ADAMTSL1: variants seen among roughly 807,000 people sequenced by gnomAD.
ADAMTSL1 encodes the protein ADAMTS-like protein 1.
In ADAMTSL1, 126 loss-of-function variants were observed where a neutral mutation model predicts 201.8. The ratio of observed to expected loss-of-function variants is 0.62; its 90% CI spans 0.54 to 0.72. The LOEUF is 0.72. ADAMTSL1 is among the 30% of genes least tolerant of loss of function. ADAMTSL1 has a pLI of 0.00. For synonymous variants in ADAMTSL1, 1,121 were observed against 903.4 expected, an observed-to-expected ratio of 1.24 and a Z score of -4.32; for missense variants, 2,679 against 2,277.8, an observed-to-expected ratio of 1.18 and a Z score of -3.59.
At chr9:18,685,795 G>C (rs1163569847) in intron 13 of ADAMTSL1, among the ~76,000 whole-genome samples, 2 of 152,176 alleles carry the variant, frequency 1.3e-5, no homozygotes, top group South Asian at 2.1e-4. Flanking sequence ...CTGTGTTCCT[G>C]AGTGCACAAG....
At chr9:18,830,020 G>T (rs964738965) in intron 23 of ADAMTSL1, 43 bp downstream of exon 23, 29 of 1,567,100 alleles carry the variant, frequency 1.9e-5, no homozygotes, top group Non-Finnish European at 2.4e-5. Context: ...AGCCAGGACT[G>T]GACAGGATTT....
At chr9:18,163,264 AG>A (rs1163110614) in intron 1 of ADAMTSL1, among the ~76,000 whole-genome samples, 1 of 152,028 alleles carries the variant, frequency 6.6e-6, no homozygotes, top group African/African-American at 2.4e-5. Flanking sequence ...GGCTGATAAC[AG>A]ACACCTCTTG....
At chr9:18,870,357 G>A (rs1827813710) in intron 23 of ADAMTSL1, among the ~76,000 whole-genome samples, 1 of 152,302 alleles carries the variant, frequency 6.6e-6, no homozygotes, top group Admixed American at 6.5e-5. Context: ...TTCCTCTGAA[G>A]AACATTTATT....
At chr9:18,700,534 C>G (rs542569976) in intron 13 of ADAMTSL1, among the ~76,000 whole-genome samples, 2 of 152,244 alleles carry the variant, frequency 1.3e-5, no homozygotes, top group East Asian at 1.9e-4. Context: ...GTTAACTGCA[C>G]TTTATCCTAA....
At chr9:18,282,578 G>T (rs1832830810) in intron 2 of ADAMTSL1, among the ~76,000 whole-genome samples, 2 of 152,144 alleles carry the variant, frequency 1.3e-5, no homozygotes, top group Admixed American at 6.5e-5. Context: ...TATGGTCTGT[G>T]CTGGTGAATA....
intron 2 of ADAMTSL1, among the ~76,000 whole-genome samples, chr9:18,532,669 A>T (rs553672771): frequency 6.6e-6 from 1 of 152,080 alleles, no homozygotes; most frequent in East Asian, 1.9e-4. Flanking sequence ...ATAAATCAAA[A>T]TAATAGTGAT....
At chr9:18,023,247 G>A (rs1266946612) in intron 1 of ADAMTSL1, among the ~76,000 whole-genome samples, 1 of 152,026 alleles carries the variant, frequency 6.6e-6, no homozygotes, top group East Asian at 1.9e-4. Context: ...AACACAGATT[G>A]CTGGGTCCCT....
intron 2 of ADAMTSL1, among the ~76,000 whole-genome samples, chr9:18,370,847 A>G (rs1275042710): frequency 6.6e-6 from 1 of 152,182 alleles, no homozygotes; most frequent in African/African-American, 2.4e-5. Context: ...ATTGAGGTAC[A>G]TAATCCCAGG....
chr9:18,774,362 C>T (rs1820862114), intron 17 of ADAMTSL1, among the ~76,000 whole-genome samples: 1 of 152,062 alleles, frequency 6.6e-6, no homozygotes, highest in Non-Finnish European at 1.5e-5. Flanking sequence ...AGAACTTGAG[C>T]CCTCTGTTCT....
At chr9:17,938,629 C>G (rs1260519480) in intron 1 of ADAMTSL1, among the ~76,000 whole-genome samples, 1 of 152,134 alleles carries the variant, frequency 6.6e-6, no homozygotes, top group African/African-American at 2.4e-5. Context: ...AAGTTGTCAG[C>G]TGGATATCAG....
Position 18,826,430 on chromosome 9 carries a change from G to C in ADAMTSL1, c.4081G>C (p.Glu1361Gln). 2 of 1,613,750 alleles carry C rather than the reference G, an allele frequency of 1.2e-6. No individual in the cohort carries two copies. The highest frequency in any genetic ancestry group is 1.1e-5 in the South Asian group (1 of 90,978). Reference protein sequence around the residue: ...YSCRAANLHGELTESTQLLIL... With the variant: ...YSCRAANLHGQLTESTQLLIL... ...CTGCAGGGCGGCCAATCTTCATGGAGAGCTGACTGAGAGCACCCAGCTGCT... is the reference window on the plus strand; with the variant it reads ...CTGCAGGGCGGCCAATCTTCATGGACAGCTGACTGAGAGCACCCAGCTGCT... Residue 1361 changes from glutamate (E) to glutamine (Q), a missense_variant, in exon 22 of 29, where the codon GAG becomes CAG. Coordinates refer to ENST00000380548, the MANE Select transcript of ADAMTSL1 (RefSeq NM_001040272.6).
chr9:18,553,261 A>G (rs1223167004), intron 3 of ADAMTSL1, among the ~76,000 whole-genome samples: 1 of 141,728 alleles, frequency 7.1e-6, no homozygotes, highest in East Asian at 2.2e-4. Context: ...CTACTGGTTT[A>G]AAAGTTATAT....
Position 18,574,265 on chromosome 9 carries a change from A to G in ADAMTSL1, c.473A>G (p.Gln158Arg). ...GATATGTGCATCAGTGGTTTATGCCAAGTAAGTGCTGATTTGTTCTCATTC... is the reference window on the plus strand; with the variant it reads ...GATATGTGCATCAGTGGTTTATGCCGAGTAAGTGCTGATTTGTTCTCATTC... ...SLDMCISGLCQIVGCDHQLGS... is the reference protein window; with the variant it reads ...SLDMCISGLCRIVGCDHQLGS... The change falls in exon 4 of 29, where the codon CAA becomes CGA. Residue 158 changes from glutamine (Q) to arginine (R), a missense_variant and splice_region_variant. Transcript: ENST00000380548. 6.2e-7 allele frequency: 1 copy of G among 1,612,332 alleles called. No homozygotes were observed. Among genetic ancestry groups the G allele is most frequent in the Non-Finnish European group, 8.5e-7 (1 of 1,178,334 alleles).
intron 19 of ADAMTSL1, among the ~76,000 whole-genome samples, chr9:18,793,884 T>C (rs1588121212): frequency 6.6e-6 from 1 of 152,160 alleles, no homozygotes; most frequent in Admixed American, 6.5e-5. Context: ...AAGTGATCGT[T>C]AGTCATTAAT....
chr9:18,499,132 G>C (rs1003585115), intron 1 of ADAMTSL1, among the ~76,000 whole-genome samples: 6 of 152,228 alleles, frequency 3.9e-5, no homozygotes, highest in African/African-American at 1.4e-4. Flanking sequence ...GCCTCTGAAA[G>C]ACCATGCACT....
intron 1 of ADAMTSL1, among the ~76,000 whole-genome samples, chr9:17,941,239 C>T (rs1827226687): frequency 6.6e-6 from 1 of 151,994 alleles, no homozygotes; most frequent in South Asian, 2.1e-4. Context: ...AAAATCTTCC[C>T]ATTCTTCTCT....
chr9:18,851,561 G>A (rs529884831), intron 23 of ADAMTSL1, among the ~76,000 whole-genome samples: 2 of 152,302 alleles, frequency 1.3e-5, no homozygotes, highest in Admixed American at 6.5e-5. Context: ...AGGAAGTAAA[G>A]TACATGTGGA....
At position 18,710,661 on chromosome 9, in the gene ADAMTSL1, G is replaced by GTTTTTT. The variant is rs1352571180; in HGVS notation, c.1876+3617_1876+3618insTTTTTT. Among the ~76,000 whole-genome samples, 22 of 79,634 alleles carry GTTTTTT rather than the reference G, an allele frequency of 2.8e-4. 5 individuals carry two copies. Among genetic ancestry groups the GTTTTTT allele is most frequent in the Non-Finnish European group, 2.9e-4 (12 of 40,724 alleles). 52.2% of individuals were successfully genotyped at this position (79,634 alleles called of 152,430 possible). ...TCCTTGCAGTCTTAGAAGGGCCTAA[G>GTTTTTT]TTTTGTTTTGTTTTTTTTTTTTTTT... On this transcript the variant is annotated intron_variant, in intron 14 of 28. Coordinates refer to ENST00000380548, the MANE Select transcript of ADAMTSL1 (RefSeq NM_001040272.6).
At chr9:18,857,205 T>G (rs7021809) in intron 23 of ADAMTSL1, among the ~76,000 whole-genome samples, 93,240 of 152,120 alleles carry the variant, frequency 0.61, 30,667 homozygotes, top group Non-Finnish European at 0.74. Context: ...GAACTTTTTC[T>G]ACCTCATCCA....
Sources: gnomAD v4.1 joint callset for allele counts (sites outside exome capture counted in the v4.1 genomes callset) on GRCh38, gnomAD v4.1.1 for gene constraint, MANE v1.5 for transcripts, NCBI Gene and HGNC (gene_info 2026-07-23, HGNC 2026-07-21) for gene names.